The following PDZD9 variants were observed in gnomAD, a reference collection of about 807,000 sequenced individuals.
PDZD9 encodes PDZ domain-containing protein 9.
Under a neutral mutation model 16.3 loss-of-function variants are expected in PDZD9, and 13 were observed. The observed-to-expected ratio is 0.80, with a 90% CI of 0.52 to 1.27. The LOEUF is 1.27. PDZD9 is among the 50% of genes most tolerant of loss of function. PDZD9 has a pLI of 0.00. For missense variants in PDZD9, 288 were observed against 310.9 expected (o/e 0.93, Z 0.55); for synonymous variants, 120 against 111.0 (o/e 1.08, Z -0.51).
At chr16:21,994,840 T>C (rs1899106157) in intron 2 of PDZD9, among the ~76,000 whole-genome samples, 1 of 151,998 alleles carries the variant, frequency 6.6e-6, no homozygotes, top group African/African-American at 2.4e-5. Flanking sequence ...AATTTTTTTT[T>C]TTTTTTTAGA....
chr16:21,966,629 A>G, the PDZD9 span, among the ~76,000 whole-genome samples: 1 of 152,214 alleles, frequency 6.6e-6, no homozygotes, highest in African/African-American at 2.4e-5. Flanking sequence ...TTATCAATTA[A>G]CAGTTTGATG....
At chr16:21,998,584 T>C (rs1459389436) in intron 1 of PDZD9, among the ~76,000 whole-genome samples, 1 of 151,354 alleles carries the variant, frequency 6.6e-6, no homozygotes, top group Non-Finnish European at 1.5e-5. Flanking sequence ...CCCAGCTACT[T>C]GGGAGGCTGA....
At chr16:21,980,260 TCTCA>T (rs1898686158), downstream of PDZD9, 1 of 321,276 alleles carries the variant, frequency 3.1e-6, no homozygotes, top group African/African-American at 2.1e-5. Flanking sequence ...TCTCCAGCTG[TCTCA>T]CTCAAATCTG....
At chr16:21,978,281 C>T in the PDZD9 span, among the ~76,000 whole-genome samples, 3 of 152,178 alleles carry the variant, frequency 2.0e-5, no homozygotes, top group Non-Finnish European at 2.9e-5. Flanking sequence ...AAGCTGACAA[C>T]GTGGTAAAAC....
downstream of PDZD9, among the ~76,000 whole-genome samples, chr16:21,982,926 T>C (rs1898768292): frequency 7.1e-6 from 1 of 140,112 alleles, no homozygotes. Flanking sequence ...ATCGCAGCAC[T>C]GCACTCCACA....
chr16:21,977,338 A>G, the PDZD9 span, among the ~76,000 whole-genome samples: 2 of 152,008 alleles, frequency 1.3e-5, no homozygotes, highest in African/African-American at 4.8e-5. Context: ...TGGGCAACAG[A>G]GCAAGACCCT....
rs1392458214 is a variant in PDZD9, at chr16:21,988,926, GC to G, written c.212-136del. 13 of 527,262 alleles carry G rather than the reference GC, an allele frequency of 2.5e-5. No individual in the cohort carries two copies. The East Asian group carries it at 3.6e-4, about 15-fold the overall frequency. The allele number at this position is 527,262 out of a possible 1,614,324, so 32.7% of individuals were successfully genotyped here. On this transcript the variant is annotated intron_variant, in intron 2 of 3. Transcript: ENST00000424898. Reference sequence around the variant, plus strand: ...CTTTTTGAACCAAAACCAGGCTTCAGCCTTTTTTTTTTTTTTTTTTTTGAGA... The same window carrying G: ...CTTTTTGAACCAAAACCAGGCTTCAGCTTTTTTTTTTTTTTTTTTTTGAGA...
chr16:21,966,017 A>G, the PDZD9 span, among the ~76,000 whole-genome samples: 2 of 152,002 alleles, frequency 1.3e-5, no homozygotes, highest in African/African-American at 4.8e-5. Flanking sequence ...TTAAATGTTT[A>G]AGTATCATAA....
the PDZD9 span, among the ~76,000 whole-genome samples, chr16:21,969,054 A>C: frequency 6.6e-6 from 1 of 152,210 alleles, no homozygotes. Flanking sequence ...TGTGTAGCCA[A>C]CTATCTTTGT....
chr16:21,976,292 G>A, the PDZD9 span: 3 of 1,455,852 alleles, frequency 2.1e-6, no homozygotes, highest in Non-Finnish European at 2.9e-6. Context: ...TTTGAAAGTT[G>A]TATTCTTTTC....
the PDZD9 span, chr16:21,968,429 A>G: frequency 1.4e-5 from 6 of 426,944 alleles, no homozygotes; most frequent in Admixed American, 4.1e-5. Flanking sequence ...CATGACCACA[A>G]TTAGGTTCTA....
the PDZD9 span, chr16:21,974,111 C>T: frequency 8.4e-6 from 6 of 715,230 alleles, no homozygotes; most frequent in East Asian, 1.7e-4. Flanking sequence ...AGTATGATGT[C>T]ATTGAAGCAT....
chr16:21,962,851 T>G, the PDZD9 span: 1 of 1,614,078 alleles, frequency 6.2e-7, no homozygotes, highest in Non-Finnish European at 8.5e-7. Flanking sequence ...AGCTAAAGAT[T>G]GACAAAGCTG....
chr16:21,991,360 G>A (rs1410761998), intron 2 of PDZD9, among the ~76,000 whole-genome samples: 1 of 151,984 alleles, frequency 6.6e-6, no homozygotes, highest in South Asian at 2.1e-4. Context: ...CTCAGCCCCT[G>A]GAGGAGCTGG....
intron 1 of PDZD9, 149 bp downstream of exon 1, chr16:22,000,866 TGA>T (rs1899281298): frequency 1.4e-6 from 1 of 696,342 alleles, no homozygotes; most frequent in Non-Finnish European, 2.5e-6. Flanking sequence ...ATGATGATGA[TGA>T]TGATGATAAT....
chr16:21,965,228 C>T, the PDZD9 span, among the ~76,000 whole-genome samples: 1 of 152,170 alleles, frequency 6.6e-6, no homozygotes, highest in Admixed American at 6.5e-5. Context: ...TTTCTCAGCA[C>T]ATTCTACTGG....
At chr16:21,976,148 C>A in the PDZD9 span, 34 of 1,607,316 alleles carry the variant, frequency 2.1e-5, no homozygotes, top group East Asian at 7.6e-4. Flanking sequence ...AGATGACCAA[C>A]TTTTCTTATC....
chr16:21,964,818 A>G, the PDZD9 span, among the ~76,000 whole-genome samples: 1 of 152,152 alleles, frequency 6.6e-6, no homozygotes, highest in Non-Finnish European at 1.5e-5. Context: ...ACATCTCTGT[A>G]TTTCTAGCAC....
chr16:21,991,478 GC>G (rs1899021597), intron 2 of PDZD9, among the ~76,000 whole-genome samples: 1 of 152,060 alleles, frequency 6.6e-6, no homozygotes, highest in Non-Finnish European at 1.5e-5. Context: ...AGCTCAATTT[GC>G]CCGCCTCAGC....
Sources: allele counts gnomAD v4.1 joint callset (sites outside exome capture counted in the v4.1 genomes callset), GRCh38; gene constraint gnomAD v4.1.1; transcripts MANE v1.5; gene names NCBI Gene and HGNC (gene_info 2026-07-23, HGNC 2026-07-21).